Variants in RAB27A observed in about 807,000 individuals in gnomAD.
The protein encoded by RAB27A is RAB27A, member RAS oncogene family.
RAB27A carries 17 observed loss-of-function variants against 20.8 expected under a neutral mutation model. The observed-to-expected ratio is 0.82, with a 90% CI of 0.56 to 1.23. The LOEUF (loss-of-function observed/expected upper bound fraction) is 1.23. RAB27A is among the 50% of genes most tolerant of loss of function. The pLI is 0.00. For synonymous variants in RAB27A, 85 were observed against 92.8 expected (o/e 0.92, Z 0.48); for missense variants, 277 against 266.7 (o/e 1.04, Z -0.27).
chr15:55,295,321 A>T (rs1177604528), intron 2 of RAB27A, among the ~76,000 whole-genome samples: 1 of 152,216 alleles, frequency 6.6e-6, no homozygotes, highest in Non-Finnish European at 1.5e-5. Context: ...AGTTAAACAG[A>T]TGACCTAGCA....
At chr15:55,259,031 G>T (rs992477697) in intron 2 of RAB27A, among the ~76,000 whole-genome samples, 2 of 152,114 alleles carry the variant, frequency 1.3e-5, no homozygotes, top group Non-Finnish European at 2.9e-5. Context: ...AGCCAGGCTG[G>T]TCTCGAACTC....
At chr15:55,213,807 G>A (rs1895137400) in intron 6 of RAB27A, among the ~76,000 whole-genome samples, 1 of 152,140 alleles carries the variant, frequency 6.6e-6, no homozygotes, top group Admixed American at 6.6e-5. Context: ...GGCTCCCACT[G>A]ATTCTACATT....
At chr15:55,318,243 G>A (rs1328230180) in intron 1 of RAB27A, among the ~76,000 whole-genome samples, 2 of 151,324 alleles carry the variant, frequency 1.3e-5, no homozygotes, top group African/African-American at 4.8e-5. Flanking sequence ...GACTACAGGC[G>A]CGTGTCACCA....
intron 1 of RAB27A, chr15:55,317,637 C>T (rs922814708): frequency 2.5e-6 from 1 of 398,368 alleles, no homozygotes; most frequent in Non-Finnish European, 4.4e-6. Flanking sequence ...ATTAACTTTT[C>T]TTCTCTTCTG....
At chr15:55,315,232 C>T (rs2055037688) in intron 1 of RAB27A, among the ~76,000 whole-genome samples, 1 of 152,170 alleles carries the variant, frequency 6.6e-6, no homozygotes, top group Non-Finnish European at 1.5e-5. Context: ...AACTGGACCC[C>T]TTCCTTACAC....
intron 6 of RAB27A, chr15:55,206,204 G>A (rs1343388928): frequency 2.4e-5 from 11 of 453,158 alleles, no homozygotes; most frequent in Non-Finnish European, 1.5e-5. Flanking sequence ...GAGTTAGACT[G>A]TCTCAAAAAA....
chr15:55,302,289 G>A (rs547271729), intron 2 of RAB27A, among the ~76,000 whole-genome samples: 19 of 152,148 alleles, frequency 1.2e-4, no homozygotes, highest in East Asian at 3.9e-4. Flanking sequence ...TGGCCGGGCC[G>A]GTCTCCAGCC....
intron 2 of RAB27A, among the ~76,000 whole-genome samples, chr15:55,306,347 G>A (rs547384597): frequency 1.5e-4 from 23 of 152,256 alleles, no homozygotes; most frequent in South Asian, 8.3e-4. Context: ...GTTTTGGGCC[G>A]AGACCTCATG....
chr15:55,256,844 C>G (rs980608293), intron 2 of RAB27A, among the ~76,000 whole-genome samples: 14 of 152,278 alleles, frequency 9.2e-5, no homozygotes, highest in African/African-American at 3.4e-4. Flanking sequence ...CCAACACAGA[C>G]ATTCTATGCT....
chr15:55,290,000 G>C (rs1898269931), upstream of RAB27A: 1 of 152,272 alleles, frequency 6.6e-6, no homozygotes, highest in East Asian at 1.9e-4. Flanking sequence ...AAAAGGCCCC[G>C]CTCGCCTCCT....
intron 2 of RAB27A, among the ~76,000 whole-genome samples, chr15:55,310,754 G>T (rs2055016763): frequency 6.6e-6 from 1 of 152,078 alleles, no homozygotes; most frequent in Non-Finnish European, 1.5e-5. Context: ...TTTGCTCCGG[G>T]CCTAAGGCAG....
At chr15:55,275,624 C>CA (rs1472398639) in intron 1 of RAB27A, among the ~76,000 whole-genome samples, 3 of 139,094 alleles carry the variant, frequency 2.2e-5, no homozygotes, top group South Asian at 2.3e-4. Context: ...CACTCCACCT[C>CA]AAAAAAAAAG....
intron 1 of RAB27A, among the ~76,000 whole-genome samples, chr15:55,280,089 G>T (rs571791655): frequency 7.2e-4 from 110 of 152,166 alleles, no homozygotes; most frequent in Non-Finnish European, 1.4e-3. Flanking sequence ...AATAAAAAAA[G>T]AAAAACTATG....
chr15:55,300,630 G>C (rs1250231153), intron 2 of RAB27A, among the ~76,000 whole-genome samples: 1 of 152,104 alleles, frequency 6.6e-6, no homozygotes, highest in Non-Finnish European at 1.5e-5. Flanking sequence ...AGTAAGCCGA[G>C]AGTGTGCCAT....
At chr15:55,220,666 T>C (rs937643940) in intron 6 of RAB27A, among the ~76,000 whole-genome samples, 3 of 152,254 alleles carry the variant, frequency 2.0e-5, no homozygotes, top group Non-Finnish European at 1.5e-5. Flanking sequence ...TATGAAGATA[T>C]GCCATAAACT....
At chr15:55,236,915 C>T (rs1268487301) in intron 2 of RAB27A, among the ~76,000 whole-genome samples, 1 of 152,120 alleles carries the variant, frequency 6.6e-6, no homozygotes, top group Non-Finnish European at 1.5e-5. Flanking sequence ...ACTATAGTCA[C>T]CCTAGTCTAC....
intron 2 of RAB27A, among the ~76,000 whole-genome samples, chr15:55,261,241 A>G (rs2141067592): frequency 6.6e-6 from 1 of 151,030 alleles, no homozygotes; most frequent in South Asian, 2.1e-4. Flanking sequence ...CTACTAAAAT[A>G]TAAAAATTAG....
intron 2 of RAB27A, among the ~76,000 whole-genome samples, chr15:55,296,619 T>C (rs2054950607): frequency 6.6e-6 from 1 of 152,228 alleles, no homozygotes; most frequent in Admixed American, 6.5e-5. Flanking sequence ...GGATCCATCC[T>C]GAGGGAGGAC....
intron 2 of RAB27A, among the ~76,000 whole-genome samples, chr15:55,254,225 A>G (rs56027672): frequency 0.018 from 2,770 of 152,284 alleles, 82 homozygotes; most frequent in African/African-American, 0.063. Context: ...CCTATTTTTT[A>G]AAGAAAGAAA....
Sources: gnomAD v4.1 joint callset for allele counts (sites outside exome capture counted in the v4.1 genomes callset) on GRCh38, gnomAD v4.1.1 for gene constraint, MANE v1.5 for transcripts, NCBI Gene and HGNC (gene_info 2026-07-23, HGNC 2026-07-21) for gene names.